ZNF226: variants seen among roughly 807,000 people sequenced by gnomAD.
ZNF226 encodes the protein zinc finger protein 226.
ZNF226 carries 6 observed loss-of-function variants against 11.4 expected under a neutral mutation model. That is an observed-to-expected ratio of 0.53 (90% CI 0.29 to 1.04). The LOEUF is 1.04. Ranked by LOEUF, ZNF226 falls within the 50% of genes least tolerant of loss-of-function variation. ZNF226 has a pLI of 0.08. For missense variants in ZNF226, 1,058 were observed against 956.5 expected, an observed-to-expected ratio of 1.11 and a Z score of -1.40; for synonymous variants, 350 against 322.8, an observed-to-expected ratio of 1.08 and a Z score of -0.90.
chr19:44,172,563 C>T, intron 4 of ZNF226: 2 of 446,946 alleles, frequency 4.5e-6, no homozygotes, highest in African/African-American at 2.0e-5. Context: ...AAGAATGGCA[C>T]ACACTGCAGC....
In ZNF226 at chr19:44,177,572, T is replaced by TA. The variant is rs533806265; in HGVS notation, c.2311dup (p.Thr771AsnfsTer10). 332 of 1,613,962 alleles carry TA rather than the reference T, an allele frequency of 2.1e-4. 3 individuals carry two copies. The East Asian group carries it at 7.2e-3, about 35-fold the overall frequency. On this transcript the variant is annotated frameshift_variant, in exon 6 of 6. Transcript: ENST00000337433. LOFTEE classifies it low-confidence loss of function (END_TRUNC). ...AGAGCTTCAGTTGGCGATCAAATCT[T>TA]ACAGTTCATCACAGAATCCATGTTG...
At chr19:44,177,813 TAGTC>T, downstream of ZNF226, 1 of 994,096 alleles carries the variant, frequency 1.0e-6, no homozygotes. Context: ...AGGGCTTCTT[TAGTC>T]AGAACCTTGA....
At position 44,175,747 on chromosome 19, in the gene ZNF226, CAG is replaced by C. The variant is rs1568570463; in HGVS notation, c.488_489del (p.Glu163ValfsTer17). The C allele has an allele frequency of 1.2e-6, 2 of 1,612,978 alleles. No homozygotes were observed. The highest frequency in any genetic ancestry group is 1.7e-6 in the Non-Finnish European group (2 of 1,179,542). On this transcript the variant is annotated frameshift_variant, in exon 6 of 6. Transcript: ENST00000337433. LOFTEE classifies it low-confidence loss of function (END_TRUNC). ...GATGGTCCCAATAATACTGGGAATC[CAG>C]AGTTTCCTATCTTGAGAACCCAGGA...
At chr19:44,175,459 A>G in intron 5 of ZNF226, 39 bp from the exon 6 acceptor site, 1 of 1,530,564 alleles carries the variant, frequency 6.5e-7, no homozygotes, top group Non-Finnish European at 8.7e-7. Flanking sequence ...TCTTTGAACA[A>G]AAAAATTCAC....
chr19:44,182,037 T>G (rs1970913301), downstream of ZNF226, among the ~76,000 whole-genome samples: 1 of 152,202 alleles, frequency 6.6e-6, no homozygotes, highest in Admixed American at 6.5e-5. Context: ...AATACAATGA[T>G]GGATTAGGCT....
In ZNF226 at chr19:44,176,668, A is replaced by G; in HGVS notation, c.1406A>G (p.His469Arg). Residue 469 changes from histidine (H) to arginine (R), a missense_variant, in exon 6 of 6, where the codon CAC becomes CGC. His to Arg is a conservative substitution (Grantham distance 29, BLOSUM62 0). Coordinates refer to ENST00000337433, the MANE Select transcript of ZNF226 (RefSeq NM_001032373.2). ...PSSLQAHQGVHTGEKSYICTV... is the reference protein window; with the variant it reads ...PSSLQAHQGVRTGEKSYICTV... ...AGTCTTCAGGCCCATCAGGGAGTTC[A>G]CACTGGAGAGAAGTCATACATATGT... 1 of 1,614,126 alleles carries G rather than the reference A, an allele frequency of 6.2e-7. No homozygotes were observed. Among genetic ancestry groups the G allele is most frequent in the South Asian group, 1.1e-5 (1 of 91,082 alleles).
rs762515829 is a variant in ZNF226 at position 44,177,255 on chromosome 19, C to T, written c.1993C>T (p.His665Tyr). ...SAHLQAHQKV[H>Y]TGDKPYKCDE... ...ACATCTTCAAGCCCATCAAAAAGTC[C>T]ACACTGGAGATAAGCCATACAAATG... Residue 665 changes from histidine (H) to tyrosine (Y), a missense_variant, in exon 6 of 6, where the codon CAC becomes TAC. Physicochemically the swap from His to Tyr is moderately conservative, Grantham distance 83. Transcript: ENST00000337433. 3 of 1,614,082 alleles carry T rather than the reference C, an allele frequency of 1.9e-6. No individual in the cohort carries two copies. Among genetic ancestry groups the T allele is most frequent in the Non-Finnish European group, 1.7e-6 (2 of 1,180,026 alleles).
At chr19:44,167,314 C>CTTTTTT (rs35919865) in intron 2 of ZNF226, among the ~76,000 whole-genome samples, 1 of 105,688 alleles carries the variant, frequency 9.5e-6, no homozygotes, top group African/African-American at 3.7e-5. Flanking sequence ...ATTTCTTTAA[C>CTTTTTT]TTTTTTTTTT....
At chr19:44,180,929 T>A (rs550091477), downstream of ZNF226, among the ~76,000 whole-genome samples, 1 of 152,164 alleles carries the variant, frequency 6.6e-6, no homozygotes, top group Non-Finnish European at 1.5e-5. Flanking sequence ...ACCTATCTTT[T>A]CTTTTCAGTC....
chr19:44,196,063 T>C, the ZNF226 span, among the ~76,000 whole-genome samples: 4 of 152,108 alleles, frequency 2.6e-5, no homozygotes, highest in East Asian at 7.7e-4. Flanking sequence ...GAAGGAATGA[T>C]GCCAGGGGGA....
At chr19:44,192,863 CATAGGTGA>C in the ZNF226 span, among the ~76,000 whole-genome samples, 13 of 152,096 alleles carry the variant, frequency 8.5e-5, no homozygotes, top group Admixed American at 8.5e-4. Flanking sequence ...TTGCTTTAAA[CATAGGTGA>C]ATGGATTCTG....
rs768845611 is a variant in ZNF226, at chr19:44,176,114, G to A, written c.852G>A (p.Glu284=). Residue 284 remains glutamate (E), a synonymous_variant, in exon 6 of 6, where the codon GAG becomes GAA. Transcript: ENST00000337433. ...GAGAGAAGTCTCTTACATGTGTTGA[G>A]CGTGGAAAAGGCTTCTGTTACAGCC... ...QSGEKSLTCV[E]RGKGFCYSPV... 14 of 1,614,026 alleles carry A rather than the reference G, an allele frequency of 8.7e-6. No individual in the cohort carries two copies. Among genetic ancestry groups the A allele is most frequent in the Non-Finnish European group, 1.2e-5 (14 of 1,180,026 alleles).
chr19:44,177,773 A>G (rs575075358), downstream of ZNF226: 31 of 1,310,734 alleles, frequency 2.4e-5, no homozygotes, highest in South Asian at 1.9e-4. Flanking sequence ...GTCCAAAGAC[A>G]ACAAAACAAT....
the ZNF226 span, among the ~76,000 whole-genome samples, chr19:44,195,195 C>T: frequency 6.6e-6 from 1 of 152,132 alleles, no homozygotes; most frequent in Admixed American, 6.5e-5. Flanking sequence ...TTGCAAGGTC[C>T]TTAATTTAAG....
downstream of ZNF226, among the ~76,000 whole-genome samples, chr19:44,182,699 A>G (rs1221555614): frequency 6.6e-6 from 1 of 152,288 alleles, no homozygotes; most frequent in East Asian, 1.9e-4. Flanking sequence ...GGGCTTTAAA[A>G]AAAAATTCAA....
intron 5 of ZNF226, chr19:44,175,275 G>A (rs1200582029): frequency 1.4e-6 from 2 of 1,398,022 alleles, no homozygotes; most frequent in African/African-American, 2.9e-5. Context: ...TTTTAAATGG[G>A]TTTCATTAGT....
At chr19:44,191,196 T>A in the ZNF226 span, among the ~76,000 whole-genome samples, 1 of 152,152 alleles carries the variant, frequency 6.6e-6, no homozygotes. Flanking sequence ...CTTATTAGAG[T>A]CTTTTCCATG....
rs370753005 is a variant in ZNF226 at position 44,177,444 on chromosome 19, A to G, written c.2182A>G (p.Lys728Glu). ...QSVHTGEKPY[K>E]CDVCGKVFSR... ...TGTCCACACAGGAGAGAAACCATACAAATGTGATGTGTGTGGTAAAGTCTT... is the reference window on the plus strand; with the variant it reads ...TGTCCACACAGGAGAGAAACCATACGAATGTGATGTGTGTGGTAAAGTCTT... The change falls in exon 6 of 6, where the codon AAA (lysine) becomes GAA (glutamate). Residue 728 changes from lysine to glutamate, a missense_variant. Lys to Glu is a moderately conservative substitution (Grantham distance 56, BLOSUM62 1). Coordinates refer to ENST00000337433, the MANE Select transcript of ZNF226 (RefSeq NM_001032373.2). 3.1e-6 allele frequency: 5 copies of G among 1,614,120 alleles called. No individual in the cohort carries two copies. Among genetic ancestry groups the G allele is most frequent in the Middle Eastern group, 1.6e-4 (1 of 6,084 alleles).
the ZNF226 span, among the ~76,000 whole-genome samples, chr19:44,189,139 G>T: frequency 6.6e-6 from 1 of 152,124 alleles, no homozygotes; most frequent in Non-Finnish European, 1.5e-5. Context: ...TGTAGGTGTG[G>T]GCTATTATTT....
Sources: gnomAD v4.1 joint callset for allele counts (sites outside exome capture counted in the v4.1 genomes callset) on GRCh38, gnomAD v4.1.1 for gene constraint, MANE v1.5 for transcripts, NCBI Gene and HGNC (gene_info 2026-07-23, HGNC 2026-07-21) for gene names.